The following ZBBX variants were observed in gnomAD, a reference collection of about 807,000 sequenced individuals.
The protein encoded by ZBBX is zinc finger B-box domain-containing protein 1.
Under a neutral mutation model 108.5 loss-of-function variants are expected in ZBBX, and 101 were observed. That is an observed-to-expected ratio of 0.93 (90% CI 0.79 to 1.10). The LOEUF is 1.10. Among genes scored for constraint, ZBBX ranks in the 50% least tolerant of loss-of-function variants. The pLI is 0.00. For missense variants in ZBBX, 1,009 were observed against 941.4 expected, an observed-to-expected ratio of 1.07 and a Z score of -0.94; for synonymous variants, 356 against 323.4, an observed-to-expected ratio of 1.10 and a Z score of -1.08.
In ZBBX at chr3:167,274,858, G is replaced by A. The variant is rs555805657; in HGVS notation, c.2254+7380C>T. Among the ~76,000 whole-genome samples the A allele has an allele frequency of 9.2e-5, 14 of 152,234 alleles. No individual in the cohort carries two copies. The East Asian group carries it at 1.2e-3, about 13-fold the overall frequency. ...GGGGAAGGACACAGAGATAGGGATC[G>A]CGTTAAGGATATAAAAACCCCCTGG... On this transcript the variant is annotated intron_variant, in intron 20 of 21. Transcript: ENST00000675490.
At chr3:167,365,258 G>A (rs762445299) in intron 6 of ZBBX, among the ~76,000 whole-genome samples, 1 of 151,720 alleles carries the variant, frequency 6.6e-6, no homozygotes, top group Admixed American at 6.6e-5. Flanking sequence ...TAAAAACTGT[G>A]TAAGCTAATA....
intron 20 of ZBBX, among the ~76,000 whole-genome samples, chr3:167,266,814 G>C (rs914411301): frequency 2.6e-5 from 4 of 152,102 alleles, no homozygotes; most frequent in Non-Finnish European, 5.9e-5. Flanking sequence ...ATAACAATTT[G>C]GTGGCTCGTA....
chr3:167,252,127 T>C (rs1560025755), intron 20 of ZBBX: 17 of 1,286,882 alleles, frequency 1.3e-5, no homozygotes, highest in Non-Finnish European at 1.7e-5. Flanking sequence ...ACTGTTTACC[T>C]AATGTAGTTA....
chr3:167,307,719 T>C (rs948242610), intron 16 of ZBBX, among the ~76,000 whole-genome samples: 1 of 152,154 alleles, frequency 6.6e-6, no homozygotes, highest in Non-Finnish European at 1.5e-5. Flanking sequence ...GGGGAAAGGA[T>C]TCCCTATTCA....
rs1230816404 is a variant in ZBBX at position 167,351,449 on chromosome 3, T to C, written c.433-934A>G. ...ACACTGGAATTCAGAAGAGAGATGA[T>C]GGGAGACACCAAGGGTGAAGAAAAG... On this transcript the variant is annotated intron_variant, in intron 8 of 21. Transcript: ENST00000675490. 4.6e-5 allele frequency among the ~76,000 whole-genome samples: 7 copies of C among 152,186 alleles called. No homozygotes were observed. The South Asian group carries it at 1.0e-3, about 23-fold the overall frequency.
chr3:167,366,273 G>C (rs534854145), intron 5 of ZBBX, among the ~76,000 whole-genome samples: 14 of 151,754 alleles, frequency 9.2e-5, no homozygotes, highest in Admixed American at 9.2e-4. Context: ...TTATTGATTT[G>C]TAGGAAACTT....
chr3:167,183,727 C>A, the ZBBX span, among the ~76,000 whole-genome samples: 7 of 152,314 alleles, frequency 4.6e-5, no homozygotes, highest in Admixed American at 4.6e-4. Context: ...TTCAGGAACA[C>A]CTTAAGCAGT....
chr3:167,196,535 G>A, the ZBBX span, among the ~76,000 whole-genome samples: 103 of 152,186 alleles, frequency 6.8e-4, no homozygotes, highest in Non-Finnish European at 9.3e-4. Flanking sequence ...TCTTATTTAA[G>A]CAGATGATTC....
At chr3:167,229,040 T>A in the ZBBX span, among the ~76,000 whole-genome samples, 2 of 151,848 alleles carry the variant, frequency 1.3e-5, no homozygotes, top group Non-Finnish European at 2.9e-5. Context: ...TAATCCCTGA[T>A]GGCAAACCTT....
At chr3:167,258,976 G>T (rs1350495489) in intron 20 of ZBBX, among the ~76,000 whole-genome samples, 1 of 152,150 alleles carries the variant, frequency 6.6e-6, no homozygotes, top group East Asian at 1.9e-4. Flanking sequence ...TTAGGGTGAT[G>T]CTGGCTTCAT....
the ZBBX span, among the ~76,000 whole-genome samples, chr3:167,229,427 A>G: frequency 3.4e-4 from 52 of 152,008 alleles, no homozygotes; most frequent in African/African-American, 1.2e-3. Context: ...GGCAGAATTC[A>G]TATTTTATTC....
At chr3:167,212,946 T>C in the ZBBX span, among the ~76,000 whole-genome samples, 7 of 151,914 alleles carry the variant, frequency 4.6e-5, no homozygotes, top group African/African-American at 1.5e-4. Context: ...CAACATACCA[T>C]CCCTCTGAAA....
the ZBBX span, among the ~76,000 whole-genome samples, chr3:167,224,136 T>C: frequency 1.3e-5 from 2 of 152,100 alleles, no homozygotes; most frequent in African/African-American, 4.8e-5. Flanking sequence ...GCTAGATTTG[T>C]TTCCCAGTAA....
chr3:167,196,483 C>T, the ZBBX span, among the ~76,000 whole-genome samples: 1 of 152,132 alleles, frequency 6.6e-6, no homozygotes, highest in Non-Finnish European at 1.5e-5. Context: ...ATCTATAAAA[C>T]ATTCAATAAA....
At chr3:167,187,148 C>G in the ZBBX span, among the ~76,000 whole-genome samples, 1 of 152,012 alleles carries the variant, frequency 6.6e-6, no homozygotes, top group Admixed American at 6.6e-5. Flanking sequence ...GTTTAATTTC[C>G]CCTCTCCTAT....
chr3:167,282,113 G>T, intron 20 of ZBBX, 125 bp downstream of exon 20: 1 of 1,044,290 alleles, frequency 9.6e-7, no homozygotes, highest in Non-Finnish European at 1.4e-6. Context: ...AACGGTTGAT[G>T]GTTAAAGAAG....
chr3:167,240,836 T>C lies in ZBBX; in HGVS notation c.2477A>G (p.Asn826Ser), dbSNP rs1576747341. 3 of 1,613,658 alleles carry C rather than the reference T, an allele frequency of 1.9e-6. No individual in the cohort carries two copies. Among genetic ancestry groups the C allele is most frequent in the African/African-American group, 1.3e-5 (1 of 75,014 alleles). Residue 826 changes from asparagine (N) to serine (S), a missense_variant, in exon 22 of 22, where the codon AAC (asparagine) becomes AGC (serine). Asn to Ser is a conservative substitution (Grantham distance 46, BLOSUM62 1). Transcript: ENST00000675490. Reference protein sequence around the residue: ...STDEEEEDFLNKQHVITLPWS... With the variant: ...STDEEEEDFLSKQHVITLPWS... ...CGGTAGTGTGATGACATGTTGCTTGTTGAGAAAATCTTCCTCCTCCTCATC... is the reference window on the plus strand; with the variant it reads ...CGGTAGTGTGATGACATGTTGCTTGCTGAGAAAATCTTCCTCCTCCTCATC...
intron 1 of ZBBX, among the ~76,000 whole-genome samples, chr3:167,392,598 G>A (rs557223381): frequency 8.6e-5 from 13 of 151,780 alleles, no homozygotes; most frequent in African/African-American, 2.9e-4. Flanking sequence ...TGGCTTCAGC[G>A]TATATCCCAC....
chr3:167,375,188 C>T (rs977354387), intron 2 of ZBBX, among the ~76,000 whole-genome samples: 3 of 152,160 alleles, frequency 2.0e-5, no homozygotes, highest in Admixed American at 2.0e-4. Context: ...TCTACACAAC[C>T]AAATAAGTGG....
Sources: gnomAD v4.1 joint callset for allele counts (sites outside exome capture counted in the v4.1 genomes callset) on GRCh38, gnomAD v4.1.1 for gene constraint, MANE v1.5 for transcripts, NCBI Gene and HGNC (gene_info 2026-07-23, HGNC 2026-07-21) for gene names.